FOXN2: variants seen among roughly 807,000 people sequenced by gnomAD.
FOXN2 encodes forkhead box N2.
A neutral mutation model predicts 41.2 loss-of-function variants in FOXN2; 19 were observed. That is an observed-to-expected ratio of 0.46 (90% CI 0.32 to 0.68). FOXN2 has a LOEUF of 0.68. FOXN2 is among the 30% of genes least tolerant of loss of function. FOXN2 has a pLI of 0.03. For synonymous variants in FOXN2, 195 were observed against 176.8 expected, an observed-to-expected ratio of 1.10 and a Z score of -0.82; for missense variants, 587 against 509.4, an observed-to-expected ratio of 1.15 and a Z score of -1.47.
intron 1 of FOXN2, among the ~76,000 whole-genome samples, chr2:48,322,746 T>A (rs1010549973): frequency 6.7e-6 from 1 of 148,446 alleles, no homozygotes. Context: ...CAATATATAT[T>A]TCTGATATAT....
intron 1 of FOXN2, among the ~76,000 whole-genome samples, chr2:48,321,613 G>C (rs1344384722): frequency 6.6e-6 from 1 of 152,016 alleles, no homozygotes; most frequent in Non-Finnish European, 1.5e-5. Context: ...ATTTTATGTG[G>C]TAAGGGTAAA....
chr2:48,333,550 T>G (rs1056871477), intron 2 of FOXN2, among the ~76,000 whole-genome samples: 1 of 152,114 alleles, frequency 6.6e-6, no homozygotes, highest in Admixed American at 6.5e-5. Flanking sequence ...ATCACGAAGT[T>G]TATGCATTAA....
chr2:48,320,013 G>T (rs1166721363), intron 1 of FOXN2, among the ~76,000 whole-genome samples: 1 of 151,706 alleles, frequency 6.6e-6, no homozygotes, highest in African/African-American at 2.4e-5. Flanking sequence ...ATAGAGAATT[G>T]AGGAAATTGA....
chr2:48,324,934 A>G (rs1169445646), intron 1 of FOXN2, among the ~76,000 whole-genome samples: 3 of 152,204 alleles, frequency 2.0e-5, no homozygotes, highest in Non-Finnish European at 4.4e-5. Context: ...GGTCTTAAAT[A>G]TTAGGGTTTG....
chr2:48,339,348 A>G (rs1478149010), intron 2 of FOXN2, among the ~76,000 whole-genome samples: 6 of 152,108 alleles, frequency 3.9e-5, no homozygotes, highest in African/African-American at 1.4e-4. Context: ...GGTCCCTTCA[A>G]GCTGTTCTTG....
At chr2:48,332,008 A>T (rs1238115662) in intron 2 of FOXN2, among the ~76,000 whole-genome samples, 1 of 152,146 alleles carries the variant, frequency 6.6e-6, no homozygotes. Flanking sequence ...TTATCTCAAA[A>T]ATGGATGGAA....
rs147814184 is a variant in FOXN2, at chr2:48,335,311, G to A, written c.-15+6609G>A. On this transcript the variant is annotated intron_variant, in intron 2 of 6. Coordinates refer to ENST00000340553, the MANE Select transcript of FOXN2 (RefSeq NM_002158.4). ...TAGTAATTGAAATTAAAATTCAGTG[G>A]ATAGGTATAAAAGCAAATATGCTGT... 7.0e-3 allele frequency among the ~76,000 whole-genome samples: 1,067 copies of A among 152,122 alleles called. 20 individuals carry two copies. Among genetic ancestry groups the A allele is most frequent in the African/African-American group, 0.024 (1,008 of 41,530 alleles).
At chr2:48,360,107 C>G (rs1215948967) in intron 4 of FOXN2, among the ~76,000 whole-genome samples, 1 of 151,980 alleles carries the variant, frequency 6.6e-6, no homozygotes, top group East Asian at 1.9e-4. Context: ...TGTTTTCAAT[C>G]CCAGTAACCC....
intron 4 of FOXN2, among the ~76,000 whole-genome samples, chr2:48,359,884 C>T (rs977222583): frequency 6.6e-6 from 1 of 152,018 alleles, no homozygotes; most frequent in Non-Finnish European, 1.5e-5. Flanking sequence ...AATTTTTTAA[C>T]AAGATTATTA....
At position 48,377,362 on chromosome 2, in the gene FOXN2, A is replaced by G. The variant is rs1352384832; in HGVS notation, c.*1919A>G. ...GATTATACACATCATCTTAATAACTATTTTTAAGTTATTTACCATAGCCTC... is the reference window on the plus strand; with the variant it reads ...GATTATACACATCATCTTAATAACTGTTTTTAAGTTATTTACCATAGCCTC... On this transcript the variant is annotated 3_prime_UTR_variant, in exon 7 of 7. Coordinates refer to ENST00000340553, the MANE Select transcript of FOXN2 (RefSeq NM_002158.4). 6.6e-6 allele frequency: 1 copy of G among 152,042 alleles called. No homozygotes were observed. Among genetic ancestry groups the G allele is most frequent in the Non-Finnish European group, 1.5e-5 (1 of 67,912 alleles). The allele number at this position is 152,042 out of a possible 1,614,324, so 9.4% of individuals were successfully genotyped here. A position where few individuals can be genotyped will look rare whatever the true frequency, so the allele number is the denominator to read the frequency against.
chr2:48,319,603 A>C (rs1162133407), intron 1 of FOXN2, among the ~76,000 whole-genome samples: 1 of 146,442 alleles, frequency 6.8e-6, no homozygotes, highest in East Asian at 2.0e-4. Context: ...CAGAATTTTC[A>C]TATATTTAAA....
chr2:48,357,947 T>C (rs1362715563), intron 3 of FOXN2, among the ~76,000 whole-genome samples: 3 of 152,014 alleles, frequency 2.0e-5, no homozygotes, highest in Non-Finnish European at 4.4e-5. Flanking sequence ...CAGGAAAATG[T>C]TTCTCCTGAT....
intron 5 of FOXN2, among the ~76,000 whole-genome samples, chr2:48,366,025 A>G (rs565862469): frequency 2.6e-5 from 4 of 152,230 alleles, no homozygotes; most frequent in African/African-American, 9.6e-5. Context: ...GTTCCTTGGG[A>G]TATGCATAGA....
chr2:48,323,944 A>G (rs1457558219), intron 1 of FOXN2, among the ~76,000 whole-genome samples: 1 of 152,136 alleles, frequency 6.6e-6, no homozygotes, highest in Non-Finnish European at 1.5e-5. Flanking sequence ...GCATATGGCT[A>G]TCCAATTTAG....
chr2:48,374,663 A>G (rs1024969543), intron 6 of FOXN2, among the ~76,000 whole-genome samples: 5 of 152,214 alleles, frequency 3.3e-5, no homozygotes, highest in Admixed American at 3.3e-4. Context: ...TGGTACATTC[A>G]TATTGAGGCA....
intron 5 of FOXN2, among the ~76,000 whole-genome samples, chr2:48,366,886 C>T (rs1318012814): frequency 6.6e-6 from 1 of 151,626 alleles, no homozygotes; most frequent in African/African-American, 2.4e-5. Flanking sequence ...GAAGTGACAT[C>T]GTCAGTTTTA....
upstream of FOXN2, chr2:48,314,612 A>C (rs545002504): frequency 1.3e-5 from 2 of 151,350 alleles, no homozygotes; most frequent in Admixed American, 1.3e-4. Context: ...CCGCGTTGCC[A>C]TGGCAGCGGG....
chr2:48,330,045 A>G (rs533952941), intron 2 of FOXN2, among the ~76,000 whole-genome samples: 1 of 151,992 alleles, frequency 6.6e-6, no homozygotes, highest in Non-Finnish European at 1.5e-5. Context: ...ACCAACCTTA[A>G]TTACCAAGAA....
chr2:48,332,718 A>G (rs1670090744), intron 2 of FOXN2, among the ~76,000 whole-genome samples: 1 of 152,196 alleles, frequency 6.6e-6, no homozygotes, highest in Non-Finnish European at 1.5e-5. Context: ...TATAGTAGTA[A>G]TAATCATCAT....
Sources: gnomAD v4.1 joint callset for allele counts (sites outside exome capture counted in the v4.1 genomes callset) on GRCh38, gnomAD v4.1.1 for gene constraint, MANE v1.5 for transcripts, NCBI Gene and HGNC (gene_info 2026-07-23, HGNC 2026-07-21) for gene names.